The following HADH variants were observed in gnomAD, a reference collection of about 807,000 sequenced individuals.
The protein encoded by HADH is hydroxyacyl-coenzyme A dehydrogenase, mitochondrial.
In HADH, 24 loss-of-function variants were observed where a neutral mutation model predicts 32.2. The ratio of observed to expected loss-of-function variants is 0.75; its 90% confidence interval spans 0.54 to 1.05. The LOEUF is 1.05. Among genes scored for constraint, HADH ranks in the 50% least tolerant of loss-of-function variants. HADH has a pLI of 0.00. For missense variants in HADH, 350 were observed against 397.1 expected, an observed-to-expected ratio of 0.88 and a Z score of 1.01; for synonymous variants, 139 against 152.5, an observed-to-expected ratio of 0.91 and a Z score of 0.65.
intron 6 of HADH, chr4:108,032,525 A>T: frequency 3.6e-6 from 2 of 557,070 alleles, no homozygotes. Flanking sequence ...AAGTTTATTT[A>T]TAAATCAAAA....
At chr4:107,990,521 T>C (rs918610799) in intron 1 of HADH, among the ~76,000 whole-genome samples, 2 of 152,234 alleles carry the variant, frequency 1.3e-5, no homozygotes, top group Non-Finnish European at 2.9e-5. Flanking sequence ...TTGTGCAGTC[T>C]TTGTCAAAGT....
At chr4:108,007,203 T>G (rs1032781722) in intron 1 of HADH, among the ~76,000 whole-genome samples, 1 of 152,156 alleles carries the variant, frequency 6.6e-6, no homozygotes, top group Non-Finnish European at 1.5e-5. Context: ...GCCTCCCACA[T>G]TCACACCATT....
At chr4:108,009,474 C>T (rs948490321) in intron 1 of HADH, among the ~76,000 whole-genome samples, 2 of 152,192 alleles carry the variant, frequency 1.3e-5, no homozygotes, top group East Asian at 1.9e-4. Context: ...ATTCAGATTC[C>T]GGCTCTGCTG....
chr4:107,995,427 A>G (rs1490260440), intron 1 of HADH, among the ~76,000 whole-genome samples: 1 of 152,204 alleles, frequency 6.6e-6, no homozygotes, highest in East Asian at 1.9e-4. Context: ...ACATAGACCC[A>G]TCAGACCTGA....
chr4:108,016,352 G>A (rs1207565747), intron 3 of HADH, among the ~76,000 whole-genome samples: 2 of 152,234 alleles, frequency 1.3e-5, no homozygotes, highest in Admixed American at 6.5e-5. Context: ...GAGATGGGTG[G>A]CCTTGTGGCC....
chr4:107,994,142 C>T (rs1734890583), intron 1 of HADH, among the ~76,000 whole-genome samples: 2 of 152,108 alleles, frequency 1.3e-5, no homozygotes, highest in South Asian at 4.1e-4. Flanking sequence ...CCGGGTGCAA[C>T]CTTCTTTTTA....
chr4:108,009,797 C>A lies in HADH; in HGVS notation c.171C>A (p.Asp57Glu), dbSNP rs137853102. The A allele has an allele frequency of 9.9e-6, 16 of 1,610,728 alleles. No individual in the cohort carries two copies. Among genetic ancestry groups the A allele is most frequent in the African/African-American group, 1.3e-5 (1 of 74,774 alleles). Reference protein sequence around the residue: ...AATGHTVVLVDQTEDILAKSK... With the variant: ...AATGHTVVLVEQTEDILAKSK... ...CTGGTCACACAGTAGTGTTGGTAGA[C>A]CAGACAGAGGACATCCTGGCAAAAT... Residue 57 changes from aspartate to glutamate, a missense_variant, in exon 2 of 8, where the codon GAC (aspartate) becomes GAA (glutamate). Asp to Glu is a conservative substitution (Grantham distance 45). Coordinates refer to ENST00000309522, the MANE Select transcript of HADH (RefSeq NM_005327.7).
At chr4:108,030,885 T>G (rs757893874) in intron 6 of HADH, 1 of 152,272 alleles carries the variant, frequency 6.6e-6, no homozygotes, top group Non-Finnish European at 1.5e-5. Context: ...TCTTTTGCTC[T>G]GCATTATTGA....
intron 1 of HADH, among the ~76,000 whole-genome samples, chr4:107,996,893 C>CAAA (rs371481879): frequency 9.1e-6 from 1 of 109,716 alleles, no homozygotes; most frequent in African/African-American, 2.9e-5. Context: ...GACTCCTTCT[C>CAAA]AAAAAAAAAA....
chr4:107,997,156 C>T (rs1406008727), intron 1 of HADH, among the ~76,000 whole-genome samples: 1 of 152,242 alleles, frequency 6.6e-6, no homozygotes, highest in Admixed American at 6.5e-5. Flanking sequence ...GCTGCAGCCT[C>T]TGAAGCACAG....
intron 2 of HADH, among the ~76,000 whole-genome samples, chr4:108,013,624 C>G (rs1489548079): frequency 3.3e-5 from 5 of 152,082 alleles, no homozygotes; most frequent in African/African-American, 1.2e-4. Flanking sequence ...AATAGCTACT[C>G]ACAAGTGGCT....
intron 1 of HADH, chr4:108,004,826 G>A (rs1257212238): frequency 6.5e-7 from 1 of 1,535,888 alleles, no homozygotes; most frequent in Non-Finnish European, 8.7e-7. Context: ...GGTGTCTGCT[G>A]GAGGAAGGAA....
rs1736409964 is a variant in HADH at position 108,034,895 on chromosome 4, G to C, written c.*538G>C. ...CATAAGATGTGTCTTTATTCAGCTC[G>C]TCGTGAAGATGCTGCTGCTGAATGG... is the stretch of plus-strand genomic sequence containing the variant. On this transcript the variant is annotated 3_prime_UTR_variant, in exon 8 of 8. Transcript: ENST00000309522. The C allele has an allele frequency of 5.0e-6, 1 of 199,418 alleles. No homozygotes were observed. The highest frequency in any genetic ancestry group is 5.3e-5 in the Admixed American group (1 of 18,946). The allele number at this position is 199,418 out of a possible 1,614,324, so 12.4% of individuals were successfully genotyped here.
At chr4:107,995,648 C>T (rs1734933792) in intron 1 of HADH, among the ~76,000 whole-genome samples, 1 of 152,130 alleles carries the variant, frequency 6.6e-6, no homozygotes, top group Admixed American at 6.5e-5. Context: ...TTTCATGTGA[C>T]CATTACAATA....
intron 1 of HADH, among the ~76,000 whole-genome samples, chr4:108,009,371 A>T (rs919598690): frequency 6.6e-6 from 1 of 152,228 alleles, no homozygotes; most frequent in African/African-American, 2.4e-5. Context: ...AATTAATTTA[A>T]ATAGCCACAT....
chr4:108,024,128 C>A (rs900521863), intron 5 of HADH: 1 of 153,680 alleles, frequency 6.5e-6, no homozygotes, highest in Non-Finnish European at 1.4e-5. Flanking sequence ...TTTTTTTTCC[C>A]CTTTCTTAAG....
At chr4:108,019,254 G>C (rs567393157) in intron 3 of HADH, among the ~76,000 whole-genome samples, 3 of 152,284 alleles carry the variant, frequency 2.0e-5, no homozygotes, top group Admixed American at 6.5e-5. Context: ...AATACAAGTA[G>C]GTAGGGGAAA....
At chr4:107,996,723 G>A (rs1734968332) in intron 1 of HADH, among the ~76,000 whole-genome samples, 2 of 151,988 alleles carry the variant, frequency 1.3e-5, no homozygotes, top group African/African-American at 4.8e-5. Flanking sequence ...GTTAAACCCT[G>A]TCTCTACTAA....
intron 4 of HADH, among the ~76,000 whole-genome samples, chr4:108,021,166 G>A (rs1041269056): frequency 2.0e-5 from 3 of 152,210 alleles, no homozygotes; most frequent in Admixed American, 6.5e-5. Flanking sequence ...GAGCAAAGAA[G>A]TGGCATGCAT....
Sources: allele counts gnomAD v4.1 joint callset (sites outside exome capture counted in the v4.1 genomes callset), GRCh38; gene constraint gnomAD v4.1.1; transcripts MANE v1.5; gene names NCBI Gene and HGNC (gene_info 2026-07-23, HGNC 2026-07-21).